KIF13A: variants seen among roughly 807,000 people sequenced by gnomAD.
The protein encoded by KIF13A is kinesin-like protein KIF13A.
In KIF13A, 79 loss-of-function variants were observed where a neutral mutation model predicts 212.2. That is an observed-to-expected ratio of 0.37 (90% confidence interval 0.31 to 0.45). The LOEUF is 0.45. KIF13A is among the 20% of genes least tolerant of loss of function. The probability of loss-of-function intolerance (pLI) is 1.00; values close to 1 mark genes in which losing one functional copy is unlikely to be tolerated. For missense variants in KIF13A, 1,901 were observed against 2,209.0 expected (o/e 0.86, Z 2.79); for synonymous variants, 789 against 808.6 (o/e 0.98, Z 0.41).
chr6:17,867,453 T>G (rs1006747415), intron 4 of KIF13A, among the ~76,000 whole-genome samples: 7 of 152,322 alleles, frequency 4.6e-5, no homozygotes, highest in Admixed American at 2.0e-4. Flanking sequence ...TAGGGAAAAC[T>G]TTTATGGTTT....
chr6:17,782,963 A>C (rs544336453), intron 29 of KIF13A, among the ~76,000 whole-genome samples: 111 of 152,324 alleles, frequency 7.3e-4, no homozygotes, highest in Non-Finnish European at 1.8e-4. Context: ...TTTAAAAAAG[A>C]AATTCTTCAC....
At chr6:17,836,785 A>C in intron 11 of KIF13A, 93 bp downstream of exon 11, 1 of 1,088,902 alleles carries the variant, frequency 9.2e-7, no homozygotes, top group Non-Finnish European at 1.4e-6. Context: ...AAACCATATC[A>C]GATGACCTAC....
rs749108780 is a variant in KIF13A, at chr6:17,898,148, A to G, written c.159+20T>C. The G allele has an allele frequency of 1.9e-6, 3 of 1,612,416 alleles. No homozygotes were observed. In the South Asian group the frequency reaches 3.3e-5, roughly 18 times the overall value. On this transcript the variant is annotated intron_variant, in intron 3 of 38. Transcript: ENST00000259711. This position sits in a 1 kb window ranked among gnomAD's most constrained non-coding sequence, Gnocchi z 5.2. ...GCACACTAAGCCAGTATACATGCCA[A>G]ATTTCATATTAGTGCTTACCTTGGG... is the stretch of plus-strand genomic sequence containing the variant.
At position 17,899,748 on chromosome 6, in the gene KIF13A, C is replaced by T. The variant is rs1772893186; in HGVS notation, c.147-1568G>A. Among the ~76,000 whole-genome samples, 1 of 152,188 alleles carries T rather than the reference C, an allele frequency of 6.6e-6. No homozygotes were observed. The highest frequency in any genetic ancestry group is 1.5e-5 in the Non-Finnish European group (1 of 68,042). Reference sequence around the variant, plus strand: ...AGGGGAACTAGAATAACTGGTATCTCTGGCTGCCATCAAGCAAGTCTCAAC... The same window carrying T: ...AGGGGAACTAGAATAACTGGTATCTTTGGCTGCCATCAAGCAAGTCTCAAC... On this transcript the variant is annotated intron_variant, in intron 2 of 38. Coordinates refer to ENST00000259711, the MANE Select transcript of KIF13A (RefSeq NM_022113.6). The surrounding 1 kb of genome is among the most constrained non-coding windows in gnomAD (Gnocchi z 5.2).
chr6:17,953,430 A>C (rs1468715662), intron 2 of KIF13A: 1 of 149,794 alleles, frequency 6.7e-6, no homozygotes, highest in Non-Finnish European at 1.5e-5. Flanking sequence ...AAAGCAGGGG[A>C]AAAAAAAAAT....
intron 3 of KIF13A, chr6:17,881,783 A>G: frequency 2.9e-6 from 1 of 340,122 alleles, no homozygotes; most frequent in Non-Finnish European, 5.8e-6. Context: ...ATTACTTGAG[A>G]TCAGGAGTTT....
chr6:17,806,865 G>A (rs910867979), intron 18 of KIF13A, among the ~76,000 whole-genome samples: 11 of 152,176 alleles, frequency 7.2e-5, no homozygotes, highest in African/African-American at 2.4e-4. Context: ...GGCAAAGAGC[G>A]AAACTCTGTC....
At chr6:17,875,232 T>C (rs1238373991) in intron 3 of KIF13A, among the ~76,000 whole-genome samples, 2 of 152,088 alleles carry the variant, frequency 1.3e-5, no homozygotes, top group African/African-American at 2.4e-5. Flanking sequence ...CTCCACACTG[T>C]TTTCCATAGT....
intron 17 of KIF13A, among the ~76,000 whole-genome samples, chr6:17,810,283 C>T (rs571511231): frequency 6.0e-4 from 91 of 152,328 alleles, no homozygotes; most frequent in Non-Finnish European, 1.1e-3. Context: ...CTTCTTGCTC[C>T]ACTGCAAGAC....
At chr6:17,804,697 C>T (rs961842625) in intron 19 of KIF13A, among the ~76,000 whole-genome samples, 187 bp from the exon 20 acceptor site, 7 of 151,310 alleles carry the variant, frequency 4.6e-5, no homozygotes, top group Non-Finnish European at 7.4e-5. Flanking sequence ...CCTGTGGTCC[C>T]ACCTACTCAG....
chr6:17,763,475 CAA>C, downstream of KIF13A, among the ~76,000 whole-genome samples: 1 of 75,760 alleles, frequency 1.3e-5, no homozygotes, highest in African/African-American at 5.6e-5. Flanking sequence ...CACTCCATCT[CAA>C]AAAAAAAAAA....
In KIF13A at chr6:17,828,483, A is replaced by G. The variant is rs1408872541; in HGVS notation, c.1402-113T>C. 1 of 790,008 alleles carries G rather than the reference A, an allele frequency of 1.3e-6. No homozygotes were observed. The highest frequency in any genetic ancestry group is 1.8e-5 in the African/African-American group (1 of 57,018). 48.9% of individuals were successfully genotyped at this position (790,008 alleles called of 1,614,324 possible). On this transcript the variant is annotated intron_variant, in intron 13 of 38. Coordinates refer to ENST00000259711, the MANE Select transcript of KIF13A (RefSeq NM_022113.6). The surrounding 1 kb of genome is among the most constrained non-coding windows in gnomAD (Gnocchi z 4.3). ...GCATATGCACAAAAATATTAAACGA[A>G]TCCTGCCAGAGATGTTAAATATCTT...
At chr6:17,854,813 A>G (rs964516270) in intron 6 of KIF13A, among the ~76,000 whole-genome samples, 12 of 152,110 alleles carry the variant, frequency 7.9e-5, no homozygotes, top group African/African-American at 2.7e-4. Context: ...TTGGCCTCCC[A>G]AAGTGCTGGG....
At chr6:17,759,548 C>T (rs1758495688), downstream of KIF13A, 2 of 152,178 alleles carry the variant, frequency 1.3e-5, no homozygotes, top group African/African-American at 4.8e-5. Flanking sequence ...TATAGCTGTA[C>T]ATCCAGACCG....
intron 2 of KIF13A, chr6:17,950,565 T>A (rs1381641135): frequency 1.0e-6 from 1 of 985,186 alleles, no homozygotes; most frequent in African/African-American, 1.7e-5. Context: ...GTTGGATGAA[T>A]GCCCCACAGG....
chr6:17,796,208 T>C (rs1762018493), intron 23 of KIF13A, among the ~76,000 whole-genome samples: 1 of 151,258 alleles, frequency 6.6e-6, no homozygotes, highest in Non-Finnish European at 1.5e-5. Flanking sequence ...TCCTTTTTTT[T>C]CTTTTTTTTT....
rs544531941 is a variant in KIF13A, at chr6:17,871,798, A to G, written c.220+1579T>C. ...GCATGAGAAGAGCTCCAGTTCAGGAAGATATATATGGCTGCATCTTGAGTA... is the reference window on the plus strand; with the variant it reads ...GCATGAGAAGAGCTCCAGTTCAGGAGGATATATATGGCTGCATCTTGAGTA... On this transcript the variant is annotated intron_variant, in intron 4 of 38. Coordinates refer to ENST00000259711, the MANE Select transcript of KIF13A (RefSeq NM_022113.6). This position sits in a 1 kb window ranked among gnomAD's most constrained non-coding sequence, Gnocchi z 4.4. 6.6e-6 allele frequency among the ~76,000 whole-genome samples: 1 copy of G among 152,346 alleles called. No homozygotes were observed. The highest frequency in any genetic ancestry group is 2.4e-5 in the African/African-American group (1 of 41,580).
Position 17,850,259 on chromosome 6 carries a change from T to C in KIF13A, c.717+64A>G. The C allele has an allele frequency of 1.3e-6, 2 of 1,486,352 alleles. No individual in the cohort carries two copies. The highest frequency in any genetic ancestry group is 1.8e-6 in the Non-Finnish European group (2 of 1,106,340). The allele number at this position is 1,486,352 out of a possible 1,614,324, so 92.1% of individuals were successfully genotyped here. A position where few individuals can be genotyped will look rare whatever the true frequency, so the allele number is the denominator to read the frequency against. Reference sequence around the variant, plus strand: ...CACTGAACCCAACCATGAAAGACTTTACCTATATGGACACTTTCAGTTCTT... The same window carrying C: ...CACTGAACCCAACCATGAAAGACTTCACCTATATGGACACTTTCAGTTCTT... On this transcript the variant is annotated intron_variant, in intron 8 of 38. Coordinates refer to ENST00000259711, the MANE Select transcript of KIF13A (RefSeq NM_022113.6). This position sits in a 1 kb window ranked among gnomAD's most constrained non-coding sequence, Gnocchi z 6.2.
At chr6:17,958,958 G>A (rs893426613) in intron 2 of KIF13A, among the ~76,000 whole-genome samples, 52 of 136,950 alleles carry the variant, frequency 3.8e-4, no homozygotes, top group African/African-American at 1.3e-3. Flanking sequence ...ATAGCTCACT[G>A]CCACCTCTAT....
Sources: gnomAD v4.1 joint callset for allele counts (sites outside exome capture counted in the v4.1 genomes callset) on GRCh38, gnomAD v4.1.1 for gene constraint, Gnocchi (gnomAD v3.1) non-coding constraint, MANE v1.5 for transcripts, NCBI Gene and HGNC (gene_info 2026-07-23, HGNC 2026-07-21) for gene names.